The following MYO10 variants were observed in gnomAD, a reference collection of about 807,000 sequenced individuals.
MYO10 encodes myosin X, also known as unconventional myosin-X.
A neutral mutation model predicts 257.3 loss-of-function variants in MYO10; 133 were observed. That is an observed-to-expected ratio of 0.52 (90% CI 0.45 to 0.60). The LOEUF is 0.60. MYO10 is among the 20% of genes least tolerant of loss of function. The pLI is 0.00. For missense variants in MYO10, 2,399 were observed against 2,635.7 expected, an observed-to-expected ratio of 0.91 and a Z score of 1.97; for synonymous variants, 1,104 against 1,028.6, an observed-to-expected ratio of 1.07 and a Z score of -1.40.
intron 1 of MYO10, among the ~76,000 whole-genome samples, chr5:16,902,992 G>A (rs1351680741): frequency 6.6e-6 from 1 of 152,240 alleles, no homozygotes; most frequent in Non-Finnish European, 1.5e-5. Flanking sequence ...ATCTCCCAAT[G>A]CCTCGTAACC....
At position 16,924,172 on chromosome 5, in the gene MYO10, T is replaced by C. The variant is rs987503268; in HGVS notation, c.21+11616A>G. The stretch of plus-strand genomic sequence containing the variant: ...CCCAGGCAATGTACAGCCTAGTCCC[T>C]TGAGTGTGCTTTGGCCTTAAACGAA... On this transcript the variant is annotated intron_variant, in intron 1 of 40. Coordinates refer to ENST00000513610, the MANE Select transcript of MYO10 (RefSeq NM_012334.3). Among the ~76,000 whole-genome samples, 20 of 152,186 alleles carry C rather than the reference T, an allele frequency of 1.3e-4. 1 individual carries two copies. The highest frequency in any genetic ancestry group is 5.2e-4 in the Admixed American group (8 of 15,278).
intron 19 of MYO10, among the ~76,000 whole-genome samples, chr5:16,735,208 T>C (rs757395424): frequency 1.3e-5 from 2 of 152,226 alleles, no homozygotes; most frequent in Non-Finnish European, 2.9e-5. Flanking sequence ...TTTTATTCAC[T>C]GAGCAAACAG....
rs1030858305 is a variant in MYO10, at chr5:16,684,072, A to T, written c.3991-137T>A. The T allele has an allele frequency of 4.0e-6, 3 of 744,346 alleles. No individual in the cohort carries two copies. In the African/African-American group the frequency reaches 5.3e-5, roughly 13 times the overall value. 46.1% of individuals were successfully genotyped at this position (744,346 alleles called of 1,614,324 possible). On this transcript the variant is annotated intron_variant, in intron 29 of 40. Transcript: ENST00000513610. Reference sequence around the variant, plus strand: ...TTTAACTTCAAAATAATAGTTATCTATGAGACGACTCCTCTGTTGTGTGAG... The same window carrying T: ...TTTAACTTCAAAATAATAGTTATCTTTGAGACGACTCCTCTGTTGTGTGAG...
chr5:16,761,853 A>G (rs760178735), intron 16 of MYO10, among the ~76,000 whole-genome samples, 192 bp downstream of exon 16: 3 of 151,794 alleles, frequency 2.0e-5, no homozygotes, highest in Non-Finnish European at 4.4e-5. Context: ...TTTTATATCT[A>G]TGTTGCCCAG....
At chr5:16,720,617 C>T (rs991364921) in intron 19 of MYO10, among the ~76,000 whole-genome samples, 6 of 152,070 alleles carry the variant, frequency 3.9e-5, no homozygotes. Flanking sequence ...TGCCACCACA[C>T]CCGGCTAATT....
intron 2 of MYO10, among the ~76,000 whole-genome samples, chr5:16,849,391 G>A (rs1467663227): frequency 6.6e-6 from 1 of 150,664 alleles, no homozygotes; most frequent in African/African-American, 2.5e-5. Flanking sequence ...GTTTACTAAT[G>A]GTAGAGTTTG....
At position 16,869,856 on chromosome 5, in the gene MYO10, C is replaced by T. The variant is rs560933784; in HGVS notation, c.120+7753G>A. On this transcript the variant is annotated intron_variant, in intron 2 of 40. Coordinates refer to ENST00000513610, the MANE Select transcript of MYO10 (RefSeq NM_012334.3). ...CTCCAGCTGGGGCAAAAGAGCAAGA[C>T]TCCATTTCAAAAAACTATAATAATA... Among the ~76,000 whole-genome samples the T allele has an allele frequency of 6.9e-4, 100 of 143,960 alleles. 4 individuals carry two copies. The Middle Eastern group carries it at 0.01, about 15-fold the overall frequency. The allele number at this position is 143,960 out of a possible 152,430, so 94.4% of individuals were successfully genotyped here. A position where few individuals can be genotyped will look rare whatever the true frequency, so the allele number is the denominator to read the frequency against.
intron 3 of MYO10, 113 bp downstream of exon 3, chr5:16,817,896 T>C: frequency 1.0e-6 from 1 of 979,948 alleles, no homozygotes; most frequent in Non-Finnish European, 1.4e-6. Flanking sequence ...GAAAACATAA[T>C]TTTACTTAGA....
At chr5:16,689,759 G>T in intron 28 of MYO10, 65 bp downstream of exon 28, 1 of 1,328,890 alleles carries the variant, frequency 7.5e-7, no homozygotes, top group Non-Finnish European at 1.1e-6. Context: ...TGCTCTGTGT[G>T]ATGCTCACAC....
intron 4 of MYO10, among the ~76,000 whole-genome samples, chr5:16,784,235 C>T (rs1019111104): frequency 6.6e-6 from 1 of 152,196 alleles, no homozygotes; most frequent in African/African-American, 2.4e-5. Flanking sequence ...AGAATGAGAT[C>T]CAGGTCTGGT....
Position 16,694,502 on chromosome 5 carries a change from C to G in MYO10, c.3669G>C (p.Gly1223=), listed in dbSNP as rs138827481. The change falls in exon 27 of 41, where the codon GGG becomes GGC. Residue 1223 remains glycine, a synonymous_variant. Transcript: ENST00000513610. ...TCCTGGACAGCGTGGAGGAGCCCCC[C>G]CCTTTTTTGTGGAGCCAGCCTTGCT... ...ALKQGWLHKK[G]GGSSTLSRRN... is the part of the protein sequence containing the mutation. 3.5e-4 allele frequency: 569 copies of G among 1,614,030 alleles called. 2 individuals carry two copies. The East Asian group carries it at 7.9e-3, about 22-fold the overall frequency.
rs746949506 is a variant in MYO10 at position 16,694,484 on chromosome 5, C to T, written c.3687G>A (p.Leu1229=). 9.3e-6 allele frequency: 15 copies of T among 1,614,030 alleles called. No individual in the cohort carries two copies. The highest frequency in any genetic ancestry group is 1.1e-5 in the South Asian group (1 of 91,092). Residue 1229 remains leucine (L), a synonymous_variant, in exon 27 of 41, where the codon CTG becomes CTA. Transcript: ENST00000513610. ...AGCGCTTCTTCCAATTTCTCCTGGACAGCGTGGAGGAGCCCCCCCCTTTTT... is the reference window on the plus strand; with the variant it reads ...AGCGCTTCTTCCAATTTCTCCTGGATAGCGTGGAGGAGCCCCCCCCTTTTT... ...LHKKGGGSST[L]SRRNWKKRWF...
intron 1 of MYO10, among the ~76,000 whole-genome samples, chr5:16,891,694 T>C (rs376492399): frequency 1.3e-5 from 2 of 152,188 alleles, no homozygotes; most frequent in South Asian, 4.2e-4. Flanking sequence ...ATAGGTAGAC[T>C]CACACCTGAC....
chr5:16,918,120 C>T (rs937091609), intron 1 of MYO10, among the ~76,000 whole-genome samples: 3 of 152,166 alleles, frequency 2.0e-5, no homozygotes, highest in African/African-American at 7.2e-5. Flanking sequence ...TCTCACACTA[C>T]TAGGAGAGTC....
At chr5:16,820,447 G>A (rs1442522108) in intron 2 of MYO10, among the ~76,000 whole-genome samples, 1 of 152,126 alleles carries the variant, frequency 6.6e-6, no homozygotes, top group African/African-American at 2.4e-5. Context: ...ATAAAGTAGG[G>A]CCCATGCCAC....
intron 3 of MYO10, among the ~76,000 whole-genome samples, chr5:16,801,795 C>G (rs1013021084): frequency 6.6e-6 from 1 of 152,134 alleles, no homozygotes; most frequent in South Asian, 2.1e-4. Context: ...CATATTGCCA[C>G]TAACTCAAGG....
At chr5:16,793,403 C>A (rs1741829371) in intron 4 of MYO10, among the ~76,000 whole-genome samples, 1 of 152,138 alleles carries the variant, frequency 6.6e-6, no homozygotes, top group Admixed American at 6.5e-5. Context: ...CAGCTCACTG[C>A]AACCTCCACC....
chr5:16,887,289 C>T (rs1465037733), intron 1 of MYO10, among the ~76,000 whole-genome samples: 1 of 152,200 alleles, frequency 6.6e-6, no homozygotes, highest in Non-Finnish European at 1.5e-5. Flanking sequence ...AAAGGTATCA[C>T]CAACAATACA....
chr5:16,769,463 T>G (rs1740980892), intron 9 of MYO10, among the ~76,000 whole-genome samples: 1 of 152,076 alleles, frequency 6.6e-6, no homozygotes, highest in African/African-American at 2.4e-5. Flanking sequence ...GCCTCCCGAG[T>G]AGCTGGGATT....
Sources: gnomAD v4.1 joint callset for allele counts (sites outside exome capture counted in the v4.1 genomes callset) on GRCh38, gnomAD v4.1.1 for gene constraint, MANE v1.5 for transcripts, NCBI Gene and HGNC (gene_info 2026-07-23, HGNC 2026-07-21) for gene names.